The following EPS15L1 variants were observed in gnomAD, a reference collection of about 807,000 sequenced individuals.
EPS15L1 encodes the protein epidermal growth factor receptor pathway substrate 15 like 1, also known as epidermal growth factor receptor substrate 15-like 1.
EPS15L1 carries 43 observed loss-of-function variants against 117.1 expected under a neutral mutation model. That is an observed-to-expected ratio of 0.37 (90% CI 0.29 to 0.47). EPS15L1 has a LOEUF of 0.47. EPS15L1 is among the 20% of genes least tolerant of loss of function. The pLI, the probability that EPS15L1 is intolerant of heterozygous loss-of-function variation, is 0.99. For synonymous variants in EPS15L1, 459 were observed against 470.5 expected (o/e 0.98, Z 0.32); for missense variants, 981 against 1,164.0 (o/e 0.84, Z 2.29).
chr19:16,404,602 C>A lies in EPS15L1; in HGVS notation c.1414G>T (p.Asp472Tyr). 6.2e-7 allele frequency: 1 copy of A among 1,614,150 alleles called. No homozygotes were observed. Among genetic ancestry groups the A allele is most frequent in the Non-Finnish European group, 8.5e-7 (1 of 1,180,002 alleles). Residue 472 changes from aspartate (D) to tyrosine (Y), a missense_variant, in exon 14 of 24, where the codon GAT (aspartate) becomes TAT (tyrosine). This residue lies in a region of EPS15L1 where 819 missense variants were observed against 949.0 expected (regional missense o/e 0.86). Coordinates refer to ENST00000455140, the MANE Select transcript of EPS15L1 (RefSeq NM_001258374.3). This position sits in a 1 kb window ranked among gnomAD's most constrained non-coding sequence, Gnocchi z 4.2. ...CCGGGACCCACCATCTGAGTCTCATCCTGGCACTTCTGCCGGACGTCGCTC... is the reference window on the plus strand; with the variant it reads ...CCGGGACCCACCATCTGAGTCTCATACTGGCACTTCTGCCGGACGTCGCTC... ...MLSDVRQKCQ[D>Y]ETQMISSLKT...
chr19:16,402,701 A>G (rs533402410), intron 15 of EPS15L1, among the ~76,000 whole-genome samples: 2 of 106,072 alleles, frequency 1.9e-5, no homozygotes, highest in African/African-American at 3.8e-5. Context: ...GTCACCACCT[A>G]TATTTTTGGG....
At chr19:16,424,475 A>G (rs1300827891) in intron 9 of EPS15L1, among the ~76,000 whole-genome samples, 2 of 151,902 alleles carry the variant, frequency 1.3e-5, no homozygotes, top group Non-Finnish European at 2.9e-5. Flanking sequence ...TTGCCAGTAA[A>G]GTACCTCCCC....
At chr19:16,360,794 T>C (rs1350238286) in intron 23 of EPS15L1, among the ~76,000 whole-genome samples, 4 of 151,958 alleles carry the variant, frequency 2.6e-5, no homozygotes, top group African/African-American at 9.7e-5. Context: ...CTGTGCACGG[T>C]AGAGATTATC....
chr19:16,357,136 C>G (rs1382577303), intron 23 of EPS15L1: 2 of 152,590 alleles, frequency 1.3e-5, no homozygotes, highest in Non-Finnish European at 2.9e-5. Flanking sequence ...AAGAAGCACA[C>G]AGGAACACTC....
intron 4 of EPS15L1, among the ~76,000 whole-genome samples, chr19:16,440,455 A>G (rs745380188): frequency 8.6e-5 from 13 of 152,046 alleles, no homozygotes; most frequent in South Asian, 2.1e-4. Context: ...AATAACACCA[A>G]TGTTATTTTC....
At chr19:16,452,922 G>A (rs563019896) in intron 1 of EPS15L1, among the ~76,000 whole-genome samples, 10 of 151,952 alleles carry the variant, frequency 6.6e-5, no homozygotes, top group African/African-American at 1.9e-4. Context: ...TCAGCCTCCC[G>A]AATAGCTAGG....
At chr19:16,438,038 G>A (rs780114345) in intron 4 of EPS15L1, among the ~76,000 whole-genome samples, 173 bp from the exon 5 acceptor site, 24 of 152,148 alleles carry the variant, frequency 1.6e-4, no homozygotes, top group Non-Finnish European at 3.1e-4. Context: ...TGGGGACATC[G>A]CTTAAATGAA....
chr19:16,417,383 C>G, intron 12 of EPS15L1, 169 bp downstream of exon 12: 1 of 622,708 alleles, frequency 1.6e-6, no homozygotes, highest in South Asian at 1.9e-5. Context: ...AGATGTCATT[C>G]TTCAAGCCCC....
chr19:16,425,778 C>G (rs1329956815), intron 8 of EPS15L1, among the ~76,000 whole-genome samples: 1 of 152,150 alleles, frequency 6.6e-6, no homozygotes, highest in Non-Finnish European at 1.5e-5. Flanking sequence ...GCACTCCAGC[C>G]TGGGTGACAG....
chr19:16,356,155 C>T (rs562763050), intron 23 of EPS15L1, among the ~76,000 whole-genome samples: 329 of 152,340 alleles, frequency 2.2e-3, no homozygotes, highest in Non-Finnish European at 3.8e-3. Flanking sequence ...GGGCCCTTGA[C>T]GCTGGTGGCC....
chr19:16,423,217 G>A (rs1282622681), intron 9 of EPS15L1, among the ~76,000 whole-genome samples: 1 of 152,264 alleles, frequency 6.6e-6, no homozygotes, highest in Non-Finnish European at 1.5e-5. Context: ...GGGGTTTCAC[G>A]TAGCAAGTAT....
chr19:16,453,581 C>T (rs1250036516), intron 1 of EPS15L1, among the ~76,000 whole-genome samples: 29 of 152,076 alleles, frequency 1.9e-4, no homozygotes, highest in Admixed American at 1.9e-3. Flanking sequence ...AGCGTGGTGG[C>T]AGGCGCCTGC....
At chr19:16,394,756 C>G (rs1207472833) in intron 17 of EPS15L1, among the ~76,000 whole-genome samples, 1 of 152,076 alleles carries the variant, frequency 6.6e-6, no homozygotes, top group Admixed American at 6.6e-5. Flanking sequence ...GTGAGGTGAG[C>G]AAGGAGGAAA....
chr19:16,436,708 T>C (rs1206067187), intron 6 of EPS15L1: 3 of 451,562 alleles, frequency 6.6e-6, no homozygotes, highest in Non-Finnish European at 1.2e-5. Context: ...GGTAGGCAAC[T>C]CCCAATTCCA....
intron 22 of EPS15L1, among the ~76,000 whole-genome samples, chr19:16,368,463 G>A (rs930506012): frequency 6.6e-6 from 1 of 151,938 alleles, no homozygotes; most frequent in African/African-American, 2.4e-5. Flanking sequence ...CCACACAATT[G>A]TCATTCATCC....
intron 21 of EPS15L1, among the ~76,000 whole-genome samples, chr19:16,377,762 C>T (rs1341032066): frequency 1.3e-5 from 2 of 152,228 alleles, no homozygotes; most frequent in Non-Finnish European, 2.9e-5. Context: ...TGGCACCAGA[C>T]TTTCTTCCTC....
At chr19:16,439,648 A>G (rs2093010496) in intron 4 of EPS15L1, among the ~76,000 whole-genome samples, 1 of 152,144 alleles carries the variant, frequency 6.6e-6, no homozygotes, top group Admixed American at 6.6e-5. Context: ...CAGTGATCGC[A>G]CCACTGCACT....
rs1178536594 is a variant in EPS15L1 at position 16,382,137 on chromosome 19, C to T, written c.2247+2992G>A. Among the ~76,000 whole-genome samples, 5 of 152,218 alleles carry T rather than the reference C, an allele frequency of 3.3e-5. No homozygotes were observed. The East Asian group carries it at 9.6e-4, about 29-fold the overall frequency. ...ACCTCGGGCCAAGCCGGCTTGGCGC[C>T]TCCCATGTGTGTTTAAACCCACGAG... On this transcript the variant is annotated intron_variant, in intron 21 of 23. Transcript: ENST00000455140.
intron 19 of EPS15L1, among the ~76,000 whole-genome samples, chr19:16,387,062 G>A (rs1191214322): frequency 6.6e-6 from 1 of 152,076 alleles, no homozygotes; most frequent in Non-Finnish European, 1.5e-5. Context: ...TCTGAGACAG[G>A]GACAACGTAA....
Sources: allele counts gnomAD v4.1 joint callset (sites outside exome capture counted in the v4.1 genomes callset), GRCh38; gene constraint gnomAD v4.1.1; regional missense constraint gnomAD v4.1.1; non-coding constraint Gnocchi (gnomAD v3.1); transcripts MANE v1.5; gene names NCBI Gene and HGNC (gene_info 2026-07-23, HGNC 2026-07-21).